Variants in BIN1 observed in about 807,000 individuals in gnomAD.
BIN1 encodes myc box-dependent-interacting protein 1.
A neutral mutation model predicts 82.0 loss-of-function variants in BIN1; 53 were observed. The observed-to-expected ratio is 0.65, with a 90% confidence interval of 0.52 to 0.81. The LOEUF (loss-of-function observed/expected upper bound fraction) is 0.81, where lower values mean the gene tolerates loss of function less well. Among genes scored for constraint, BIN1 ranks in the 40% least tolerant of loss-of-function variants. The probability of loss-of-function intolerance (pLI) is 0.00; values close to 1 mark genes in which losing one functional copy is unlikely to be tolerated. For synonymous variants in BIN1, 302 were observed against 328.0 expected (o/e 0.92, Z 0.86); for missense variants, 642 against 784.4 (o/e 0.82, Z 2.17).
intron 12 of BIN1, among the ~76,000 whole-genome samples, chr2:127,056,702 C>T (rs772007295): frequency 1.8e-4 from 27 of 152,314 alleles, no homozygotes; most frequent in South Asian, 4.1e-4. Flanking sequence ...AGTCAGCTCT[C>T]GGGGAGTGCG....
chr2:127,064,078 G>A, intron 7 of BIN1, 60 bp from the exon 8 acceptor site: 1 of 1,595,542 alleles, frequency 6.3e-7, no homozygotes. Flanking sequence ...CAGCCCCATG[G>A]CCAGTCCTCC....
At chr2:127,063,494 C>G in intron 9 of BIN1, 77 bp downstream of exon 9, 1 of 1,458,096 alleles carries the variant, frequency 6.9e-7, no homozygotes, top group South Asian at 1.2e-5. Flanking sequence ...GGAGTTCAGG[C>G]TGCCCCTCCC....
intron 2 of BIN1, among the ~76,000 whole-genome samples, chr2:127,073,440 C>T (rs1445025863): frequency 6.6e-6 from 1 of 152,132 alleles, no homozygotes; most frequent in Non-Finnish European, 1.5e-5. Context: ...AGCCTGTGTC[C>T]CAGCTACAGG....
intron 10 of BIN1, chr2:127,060,590 C>G: frequency 1.2e-6 from 2 of 1,614,150 alleles, no homozygotes; most frequent in South Asian, 2.2e-5. Flanking sequence ...CACTCACTGC[C>G]GGTACCTGTT....
chr2:127,051,355 G>T, intron 15 of BIN1, 112 bp from the exon 16 acceptor site: 1 of 1,107,130 alleles, frequency 9.0e-7, no homozygotes, highest in Non-Finnish European at 1.3e-6. Context: ...GGCATCGCCT[G>T]GCTGGCAGCA....
chr2:127,060,552 G>C (rs1049067275), intron 10 of BIN1: 5 of 1,613,362 alleles, frequency 3.1e-6, no homozygotes, highest in Non-Finnish European at 4.2e-6. Flanking sequence ...GGGCCAGCCA[G>C]GGCGCGGGCC....
intron 2 of BIN1, among the ~76,000 whole-genome samples, chr2:127,075,755 G>GCC (rs796292283): frequency 1.6e-5 from 1 of 63,880 alleles, no homozygotes; most frequent in African/African-American, 7.2e-5. Flanking sequence ...CCTCCCAGCT[G>GCC]CCCCCCACCA....
At chr2:127,077,416 C>T (rs1332644596) in intron 1 of BIN1, among the ~76,000 whole-genome samples, 1 of 152,204 alleles carries the variant, frequency 6.6e-6, no homozygotes, top group Non-Finnish European at 1.5e-5. Context: ...CCCCTCAACC[C>T]CCCACGATGA....
chr2:127,053,090 G>A (rs1683169655), intron 14 of BIN1: 4 of 439,224 alleles, frequency 9.1e-6, no homozygotes, highest in South Asian at 2.2e-5. Flanking sequence ...CACACCCTGA[G>A]GACACTCGTC....
In BIN1 at chr2:127,062,203, G is replaced by C. The variant is rs753202898; in HGVS notation, c.775-6C>G. The C allele has an allele frequency of 3.1e-6, 5 of 1,600,684 alleles. No homozygotes were observed. The South Asian group carries it at 4.5e-5, about 14-fold the overall frequency. ...TCATTGAGGTTCTGGTTGAGCTGCA[G>C]GAGAGACAGTGAGGAGGTGGGGGGC... is the stretch of plus-strand genomic sequence containing the variant. On this transcript the variant is annotated splice_polypyrimidine_tract_variant and splice_region_variant and intron_variant, in intron 9 of 18. Transcript: ENST00000316724.
At position 127,057,476 on chromosome 2, in the gene BIN1, G is replaced by A. The variant is rs1240954399; in HGVS notation, c.1128C>T (p.Ser376=). ...FVPEISVTTP[S]QFEAPGPFSE... is the part of the protein sequence containing the mutation. The stretch of plus-strand genomic sequence containing the variant: ...GGCCGCGGCGGCCGCGGCTGACCTG[G>A]GAGGGGGTGGTCACGCTGATCTCAG... Residue 376 remains serine, a synonymous_variant, in exon 12 of 19, where the codon TCC becomes TCT. Transcript: ENST00000316724. This position sits in a 1 kb window ranked among gnomAD's most constrained non-coding sequence, Gnocchi z 5.0. 6.5e-7 allele frequency: 1 copy of A among 1,546,984 alleles called. No individual in the cohort carries two copies. Among genetic ancestry groups the A allele is most frequent in the Admixed American group, 2.0e-5 (1 of 50,864 alleles).
intron 14 of BIN1, chr2:127,052,861 C>G: frequency 4.1e-6 from 1 of 244,326 alleles, no homozygotes; most frequent in Admixed American, 5.0e-5. Context: ...CCCTGAGCCT[C>G]TGTGTCCTGA....
chr2:127,053,288 G>A (rs773496580), intron 14 of BIN1, 134 bp downstream of exon 14: 112 of 1,309,038 alleles, frequency 8.6e-5, no homozygotes, highest in Middle Eastern at 5.8e-4. Flanking sequence ...GCGTGAGCAC[G>A]TGCCTGTGTG....
At chr2:127,094,603 C>T (rs560698320) in intron 1 of BIN1, among the ~76,000 whole-genome samples, 121 of 152,328 alleles carry the variant, frequency 7.9e-4, no homozygotes, top group African/African-American at 2.7e-3. Flanking sequence ...ACTGGAGTGG[C>T]GCGGAGCCGA....
chr2:127,051,144 G>A lies in BIN1; in HGVS notation c.1461+10C>T. On this transcript the variant is annotated intron_variant, in intron 16 of 18. Coordinates refer to ENST00000316724, the MANE Select transcript of BIN1 (RefSeq NM_139343.3). ...GAGGAAAAGGCAGGGCTTTGTCCCT[G>A]CTGTCTTACGGAGGCTGCTTCACTT... 1 of 1,613,390 alleles carries A rather than the reference G, an allele frequency of 6.2e-7. No homozygotes were observed. The highest frequency in any genetic ancestry group is 2.2e-5 in the East Asian group (1 of 44,874).
chr2:127,074,132 C>T (rs1686289582), intron 2 of BIN1, among the ~76,000 whole-genome samples: 1 of 152,088 alleles, frequency 6.6e-6, no homozygotes, highest in South Asian at 2.1e-4. Flanking sequence ...AGGCTTGGGG[C>T]TCACAGAATC....
At chr2:127,101,001 G>GGGGGCC (rs1553487419) in intron 1 of BIN1, among the ~76,000 whole-genome samples, 1 of 128,664 alleles carries the variant, frequency 7.8e-6, no homozygotes, top group Admixed American at 8.5e-5. Context: ...GGAATGTGCG[G>GGGGGCC]GGGGTGGGGA....
At chr2:127,078,350 C>T (rs1686881153) in intron 1 of BIN1, among the ~76,000 whole-genome samples, 1 of 152,180 alleles carries the variant, frequency 6.6e-6, no homozygotes, top group South Asian at 2.1e-4. Flanking sequence ...GGCTGTGGGA[C>T]CCTGGGGGTA....
At chr2:127,048,704 C>T in intron 18 of BIN1, 71 bp from the exon 19 acceptor site, 1 of 1,460,144 alleles carries the variant, frequency 6.8e-7, no homozygotes, top group Non-Finnish European at 9.6e-7. Flanking sequence ...GCATCCCACT[C>T]CAACCTGCTG....
Sources: allele counts gnomAD v4.1 joint callset (sites outside exome capture counted in the v4.1 genomes callset), GRCh38; gene constraint gnomAD v4.1.1; non-coding constraint Gnocchi (gnomAD v3.1); transcripts MANE v1.5; gene names NCBI Gene and HGNC (gene_info 2026-07-23, HGNC 2026-07-21).